PEX14: variants seen among roughly 807,000 people sequenced by gnomAD.
PEX14 encodes peroxisomal membrane protein PEX14.
A neutral mutation model predicts 49.5 loss-of-function variants in PEX14; 15 were observed. That is an observed-to-expected ratio of 0.30 (90% CI 0.20 to 0.47). The LOEUF (loss-of-function observed/expected upper bound fraction) is 0.47, where lower values mean the gene tolerates loss of function less well. Among genes scored for constraint, PEX14 ranks in the 20% least tolerant of loss-of-function variants. The pLI, the probability that PEX14 is intolerant of heterozygous loss-of-function variation, is 1.00. For missense variants in PEX14, 398 were observed against 494.8 expected, an observed-to-expected ratio of 0.80 and a Z score of 1.86; for synonymous variants, 210 against 212.7, an observed-to-expected ratio of 0.99 and a Z score of 0.11.
chr1:10,488,340 G>GCAAAATACAAAA (rs1641408284), intron 1 of PEX14, among the ~76,000 whole-genome samples: 3 of 148,284 alleles, frequency 2.0e-5, no homozygotes, highest in African/African-American at 7.5e-5. Flanking sequence ...TATTTTTAGT[G>GCAAAATACAAAA]GAGATGCGGT....
chr1:10,479,381 C>T (rs571057301), intron 1 of PEX14, among the ~76,000 whole-genome samples: 9 of 151,834 alleles, frequency 5.9e-5, no homozygotes, highest in Non-Finnish European at 1.0e-4. Flanking sequence ...TGTTTGGGGA[C>T]GGGGGAAGAG....
At position 10,613,944 on chromosome 1, in the gene PEX14, A is replaced by G. The variant is rs1641341315; in HGVS notation, c.299-4388A>G. Among the ~76,000 whole-genome samples the G allele has an allele frequency of 6.6e-6, 1 of 152,130 alleles. No homozygotes were observed. The highest frequency in any genetic ancestry group is 6.5e-5 in the Admixed American group (1 of 15,274). ...CCAGCTAGAGAAGAGTGACTGCCCC[A>G]TCTCCTGCCCTTGTCTTTATACCTC... On this transcript the variant is annotated intron_variant, in intron 4 of 8. Transcript: ENST00000356607. The surrounding 1 kb of genome is among the most constrained non-coding windows in gnomAD (Gnocchi z 5.0).
chr1:10,479,499 A>G (rs1437265605), intron 1 of PEX14, among the ~76,000 whole-genome samples: 1 of 152,240 alleles, frequency 6.6e-6, no homozygotes, highest in Non-Finnish European at 1.5e-5. Flanking sequence ...TGGAGCCCGT[A>G]GGAATGAGAA....
chr1:10,529,427 A>G lies in PEX14; in HGVS notation c.85-6786A>G, dbSNP rs1402761826. 2.0e-5 allele frequency among the ~76,000 whole-genome samples: 3 copies of G among 152,234 alleles called. No individual in the cohort carries two copies. Among genetic ancestry groups the G allele is most frequent in the Non-Finnish European group, 4.4e-5 (3 of 68,044 alleles). ...AAGTCACCCTTACGTCCCTAAGATC[A>G]CTGTCCCTTGACATTAAATAGTGCG... On this transcript the variant is annotated intron_variant, in intron 2 of 8. Transcript: ENST00000356607. This position sits in a 1 kb window ranked among gnomAD's most constrained non-coding sequence, Gnocchi z 4.2.
intron 2 of PEX14, among the ~76,000 whole-genome samples, chr1:10,522,776 T>C (rs1638341783): frequency 6.6e-6 from 1 of 152,222 alleles, no homozygotes; most frequent in Admixed American, 6.5e-5. Context: ...TCTGGATAGT[T>C]ACGTTTTCTG....
chr1:10,572,991 T>G (rs1640023938), intron 3 of PEX14, among the ~76,000 whole-genome samples: 2 of 152,194 alleles, frequency 1.3e-5, no homozygotes, highest in African/African-American at 4.8e-5. Flanking sequence ...AGCATGTTAC[T>G]GAAAAGGATA....
intron 3 of PEX14, among the ~76,000 whole-genome samples, chr1:10,553,413 A>G (rs1430618744): frequency 1.3e-5 from 2 of 152,224 alleles, no homozygotes; most frequent in African/African-American, 4.8e-5. Context: ...GTGGTTGGCC[A>G]GAGGCGGATG....
At chr1:10,480,891 G>A (rs1641273140) in intron 1 of PEX14, among the ~76,000 whole-genome samples, 2 of 140,768 alleles carry the variant, frequency 1.4e-5, no homozygotes, top group South Asian at 4.4e-4. Context: ...GGAAGGATTT[G>A]TGGTAAGTTA....
intron 3 of PEX14, among the ~76,000 whole-genome samples, chr1:10,538,436 C>T (rs1189350165): frequency 1.3e-5 from 2 of 152,176 alleles, no homozygotes; most frequent in African/African-American, 4.8e-5. Context: ...GAGTTTATCC[C>T]GTACTTAAAC....
intron 4 of PEX14, among the ~76,000 whole-genome samples, chr1:10,600,480 G>C (rs902073804): frequency 1.3e-5 from 2 of 151,984 alleles, no homozygotes; most frequent in African/African-American, 4.8e-5. Context: ...ACTTTGAGAG[G>C]CCAAGGCAGG....
intron 2 of PEX14, among the ~76,000 whole-genome samples, chr1:10,496,101 A>C (rs1641555178): frequency 6.6e-6 from 1 of 151,578 alleles, no homozygotes; most frequent in Non-Finnish European, 1.5e-5. Context: ...GTTCTGCTTC[A>C]CTCCCCTTCT....
chr1:10,547,289 C>T (rs1404039745), intron 3 of PEX14, among the ~76,000 whole-genome samples: 2 of 152,226 alleles, frequency 1.3e-5, no homozygotes, highest in African/African-American at 2.4e-5. Context: ...TGCCCATCTG[C>T]TGATATTTGC....
At chr1:10,577,548 ATATATATATATATATTTTTTTTTTTTTT>A (rs1640167207) in intron 3 of PEX14, among the ~76,000 whole-genome samples, 4 of 7,540 alleles carry the variant, frequency 5.3e-4, no homozygotes, top group South Asian at 3.2e-3. Context: ...ATATATATAT[ATATATATATATATATTTTTTTTTTTTTT>A]TTTTTTTTTT....
Position 10,520,148 on chromosome 1 carries a change from C to CTTT in PEX14, c.85-16053_85-16051dup, listed in dbSNP as rs565247030. The stretch of plus-strand genomic sequence containing the variant: ...AGCTGTTGTGCCTGGCCTTCTTCTT[C>CTTT]TTTTTTTTTTTTTTGTTTTTTTAAC... On this transcript the variant is annotated intron_variant, in intron 2 of 8. Transcript: ENST00000356607. Among the ~76,000 whole-genome samples, 8 of 69,158 alleles carry CTTT rather than the reference C, an allele frequency of 1.2e-4. 2 individuals are homozygous for CTTT. Among genetic ancestry groups the CTTT allele is most frequent in the Admixed American group, 1.7e-4 (1 of 5,870 alleles). 45.4% of individuals were successfully genotyped at this position (69,158 alleles called of 152,430 possible). A position where few individuals can be genotyped will look rare whatever the true frequency, so the allele number is the denominator to read the frequency against.
At chr1:10,498,658 T>C (rs1641612406) in intron 2 of PEX14, among the ~76,000 whole-genome samples, 1 of 152,082 alleles carries the variant, frequency 6.6e-6, no homozygotes, top group Non-Finnish European at 1.5e-5. Context: ...CCAGCAACAT[T>C]GACCGTCTCA....
chr1:10,481,848 A>G (rs1037105918), intron 1 of PEX14, among the ~76,000 whole-genome samples: 3 of 139,090 alleles, frequency 2.2e-5, no homozygotes, highest in South Asian at 2.2e-4. Context: ...TTTTGAGACA[A>G]TGCCTGGCTC....
intron 3 of PEX14, among the ~76,000 whole-genome samples, chr1:10,554,438 CAG>C (rs1218376754): frequency 1.3e-5 from 2 of 152,210 alleles, no homozygotes; most frequent in Non-Finnish European, 2.9e-5. Context: ...AGAGCACACG[CAG>C]AGTCATTGAA....
Position 10,495,027 on chromosome 1 carries a change from G to T in PEX14, c.37-247G>T. On this transcript the variant is annotated intron_variant, in intron 1 of 8. Transcript: ENST00000356607. The surrounding 1 kb of genome is among the most constrained non-coding windows in gnomAD (Gnocchi z 4.2). The stretch of plus-strand genomic sequence containing the variant: ...CGTGGGCCTTCCTGAGCAGAACCAA[G>T]CCTTGTTCTTGGAGTGGTGTGACAA... 3.6e-6 allele frequency: 3 copies of T among 838,296 alleles called. No individual in the cohort carries two copies. Among genetic ancestry groups the T allele is most frequent in the Non-Finnish European group, 4.3e-6 (3 of 695,654 alleles). 51.9% of individuals were successfully genotyped at this position (838,296 alleles called of 1,614,324 possible).
In PEX14 at chr1:10,623,021, A is replaced by G; in HGVS notation, c.387A>G (p.Lys129=). The change falls in exon 6 of 9, where the codon AAA becomes AAG. Residue 129 remains lysine (K), a splice_region_variant and synonymous_variant. Coordinates refer to ENST00000356607, the MANE Select transcript of PEX14 (RefSeq NM_004565.3). This position sits in a 1 kb window ranked among gnomAD's most constrained non-coding sequence, Gnocchi z 4.4. Reference sequence around the variant, plus strand: ...TCACCCTGTCCCGCTTCTTGCAGAAATACCTGCTCCCCCTCATCCTGGGCG... The same window carrying G: ...TCACCCTGTCCCGCTTCTTGCAGAAGTACCTGCTCCCCCTCATCCTGGGCG... The part of the protein sequence containing the change: ...IAFGFHQLYK[K]YLLPLILGGR... The G allele has an allele frequency of 6.2e-7, 1 of 1,611,846 alleles. No individual in the cohort carries two copies. Among genetic ancestry groups the G allele is most frequent in the Non-Finnish European group, 8.5e-7 (1 of 1,178,456 alleles).
Sources: gnomAD v4.1 joint callset for allele counts (sites outside exome capture counted in the v4.1 genomes callset) on GRCh38, gnomAD v4.1.1 for gene constraint, Gnocchi (gnomAD v3.1) non-coding constraint, MANE v1.5 for transcripts, NCBI Gene and HGNC (gene_info 2026-07-23, HGNC 2026-07-21) for gene names.